The following AFG1L variants were observed in gnomAD, a reference collection of about 807,000 sequenced individuals.
The protein encoded by AFG1L is AFG1-like ATPase.
AFG1L carries 53 observed loss-of-function variants against 62.2 expected under a neutral mutation model. The observed-to-expected ratio is 0.85, with a 90% CI of 0.68 to 1.07. The LOEUF (loss-of-function observed/expected upper bound fraction) is 1.07, where lower values mean the gene tolerates loss of function less well. AFG1L is among the 50% of genes least tolerant of loss of function. AFG1L has a pLI of 0.00. For synonymous variants in AFG1L, 228 were observed against 210.3 expected (o/e 1.08, Z -0.73); for missense variants, 555 against 590.5 (o/e 0.94, Z 0.62).
At chr6:108,498,390 T>C (rs1374948169) in intron 10 of AFG1L, among the ~76,000 whole-genome samples, 1 of 152,206 alleles carries the variant, frequency 6.6e-6, no homozygotes, top group East Asian at 1.9e-4. Context: ...TAAATTATCA[T>C]AATTTAGTTC....
intron 7 of AFG1L, among the ~76,000 whole-genome samples, chr6:108,414,807 C>G (rs1320966399): frequency 2.6e-5 from 4 of 152,142 alleles, no homozygotes; most frequent in Non-Finnish European, 4.4e-5. Context: ...AAACCCACAG[C>G]CAATATCATA....
intron 7 of AFG1L, among the ~76,000 whole-genome samples, chr6:108,439,466 T>C (rs1276524674): frequency 2.0e-5 from 3 of 152,124 alleles, no homozygotes; most frequent in Admixed American, 6.6e-5. Context: ...TGATCTTCCA[T>C]GTAGATGGAA....
chr6:108,355,112 T>A (rs977365282), intron 3 of AFG1L, among the ~76,000 whole-genome samples: 1 of 151,794 alleles, frequency 6.6e-6, no homozygotes, highest in African/African-American at 2.4e-5. Flanking sequence ...CTCTTTTTTT[T>A]TTTTTTGTTT....
chr6:108,462,024 G>A (rs1018666305), intron 8 of AFG1L, among the ~76,000 whole-genome samples: 4 of 152,094 alleles, frequency 2.6e-5, no homozygotes, highest in East Asian at 1.9e-4. Flanking sequence ...GAACCTGGGA[G>A]GTGGAGCTTG....
chr6:108,480,315 C>T (rs1480316618), intron 10 of AFG1L, among the ~76,000 whole-genome samples: 3 of 152,146 alleles, frequency 2.0e-5, no homozygotes, highest in South Asian at 2.1e-4. Context: ...TTGATACTTA[C>T]AATAGGTAGG....
intron 6 of AFG1L, chr6:108,387,677 T>C (rs1029243155): frequency 6.6e-6 from 1 of 152,242 alleles, no homozygotes; most frequent in African/African-American, 2.4e-5. Context: ...CATTAAGGAA[T>C]TGATTACATG....
At chr6:108,515,955 A>G (rs1043867426) in intron 11 of AFG1L, among the ~76,000 whole-genome samples, 41 of 152,390 alleles carry the variant, frequency 2.7e-4, no homozygotes, top group Non-Finnish European at 5.1e-4. Flanking sequence ...AACCAGGAAG[A>G]AGTTGAATCT....
In AFG1L at chr6:108,430,682, A is replaced by G. The variant is rs997151314; in HGVS notation, c.808-16532A>G. On this transcript the variant is annotated intron_variant, in intron 7 of 12. Coordinates refer to ENST00000368977, the MANE Select transcript of AFG1L (RefSeq NM_145315.5). ...TTAAAGCTATAAAATTAACTGCACA[A>G]TAAATGATTGCCCTTGTTATTTTTA... Among the ~76,000 whole-genome samples the G allele has an allele frequency of 8.5e-5, 13 of 152,344 alleles. No individual in the cohort carries two copies. In the East Asian group the frequency reaches 2.1e-3, roughly 25 times the overall value.
intron 8 of AFG1L, among the ~76,000 whole-genome samples, chr6:108,458,280 T>C (rs1772326048): frequency 1.3e-5 from 2 of 152,164 alleles, no homozygotes; most frequent in African/African-American, 2.4e-5. Context: ...GTTACACTTA[T>C]ATTAGACCTC....
At chr6:108,430,244 C>A (rs1771011688) in intron 7 of AFG1L, among the ~76,000 whole-genome samples, 1 of 152,152 alleles carries the variant, frequency 6.6e-6, no homozygotes, top group Non-Finnish European at 1.5e-5. Context: ...TGTGCCCAGT[C>A]ATAAGATGGT....
At chr6:108,487,779 C>T (rs1416969585) in intron 10 of AFG1L, among the ~76,000 whole-genome samples, 2 of 152,166 alleles carry the variant, frequency 1.3e-5, no homozygotes, top group East Asian at 1.9e-4. Flanking sequence ...CCAAGCATCA[C>T]GTGTTTCAGG....
chr6:108,314,707 C>T (rs549264831), intron 1 of AFG1L, among the ~76,000 whole-genome samples: 2 of 152,112 alleles, frequency 1.3e-5, no homozygotes, highest in Non-Finnish European at 2.9e-5. Context: ...ACCCCTTCTG[C>T]TTCTTAGAGG....
intron 7 of AFG1L, among the ~76,000 whole-genome samples, chr6:108,444,903 A>G (rs1362578505): frequency 6.6e-6 from 1 of 152,222 alleles, no homozygotes; most frequent in East Asian, 1.9e-4. Flanking sequence ...AGCCTCTAAC[A>G]AGAGAGTCAG....
chr6:108,510,558 T>A (rs1281937332), intron 11 of AFG1L, among the ~76,000 whole-genome samples: 11 of 152,218 alleles, frequency 7.2e-5, no homozygotes, highest in Admixed American at 6.5e-4. Flanking sequence ...ATGTAAAGCA[T>A]TTAAAACATT....
chr6:108,394,096 C>T (rs1308627523), intron 6 of AFG1L, among the ~76,000 whole-genome samples: 2 of 143,802 alleles, frequency 1.4e-5, no homozygotes, highest in Non-Finnish European at 3.0e-5. Context: ...TTCTCTTTCT[C>T]TCTTTTCTTT....
chr6:108,348,409 A>C (rs1206901290), intron 3 of AFG1L, among the ~76,000 whole-genome samples: 2 of 152,136 alleles, frequency 1.3e-5, no homozygotes, highest in Admixed American at 6.5e-5. Flanking sequence ...TAAAGATTAA[A>C]CTGTTCCTTT....
chr6:108,379,697 G>T (rs979836236), intron 6 of AFG1L, among the ~76,000 whole-genome samples: 1 of 152,216 alleles, frequency 6.6e-6, no homozygotes, highest in African/African-American at 2.4e-5. Flanking sequence ...AACCTGCTCA[G>T]CTCCAAATTC....
At chr6:108,425,846 A>G (rs1279313153) in intron 7 of AFG1L, among the ~76,000 whole-genome samples, 12 of 152,164 alleles carry the variant, frequency 7.9e-5, no homozygotes, top group African/African-American at 2.4e-4. Context: ...AGTTAAATAT[A>G]GTGATATCCA....
chr6:108,297,145 C>T (rs1776793126), intron 1 of AFG1L, among the ~76,000 whole-genome samples: 1 of 152,148 alleles, frequency 6.6e-6, no homozygotes, highest in Non-Finnish European at 1.5e-5. Context: ...CTTGCTCTGT[C>T]TCCCAGACTG....
Sources: allele counts gnomAD v4.1 joint callset (sites outside exome capture counted in the v4.1 genomes callset), GRCh38; gene constraint gnomAD v4.1.1; transcripts MANE v1.5; gene names NCBI Gene and HGNC (gene_info 2026-07-23, HGNC 2026-07-21).